The following CTU2 variants were observed in gnomAD, a reference collection of about 807,000 sequenced individuals.
CTU2 encodes cytoplasmic tRNA 2-thiolation protein 2.
Under a neutral mutation model 64.1 loss-of-function variants are expected in CTU2, and 80 were observed. The observed-to-expected ratio is 1.25, with a 90% CI of 1.04 to 1.50. The LOEUF is 1.50. CTU2 is among the 40% of genes most tolerant of loss of function. The pLI, the probability that CTU2 is intolerant of heterozygous loss-of-function variation, is 0.00. For synonymous variants in CTU2, 482 were observed against 285.3 expected, an observed-to-expected ratio of 1.69 and a Z score of -6.95; for missense variants, 1,110 against 690.2, an observed-to-expected ratio of 1.61 and a Z score of -6.81.
At position 88,713,415 on chromosome 16, in the gene CTU2, C is replaced by T; in HGVS notation, c.841C>T (p.Leu281=). ...TATCAAGCTCATGACCAACCTGGCG[C>T]TGGGTCGAGGGGCCTTCCTGGCCTG... ...LAIKLMTNLA[L]GRGAFLAWDT... Residue 281 remains leucine, a synonymous_variant, in exon 8 of 15, where the codon CTG becomes TTG. Coordinates refer to ENST00000453996, the MANE Select transcript of CTU2 (RefSeq NM_001012759.3). 6.3e-7 allele frequency: 1 copy of T among 1,599,948 alleles called. No homozygotes were observed. The highest frequency in any genetic ancestry group is 8.5e-7 in the Non-Finnish European group (1 of 1,175,684).
intron 2 of CTU2, 153 bp from the exon 3 acceptor site, chr16:88,709,785 C>T (rs927621215): frequency 1.4e-6 from 1 of 711,272 alleles, no homozygotes; most frequent in Non-Finnish European, 2.4e-6. Context: ...GCCAACCCCG[C>T]CCCTTTCACC....
Position 88,712,775 on chromosome 16 carries a change from C to G in CTU2, c.607C>G (p.Pro203Ala). The G allele has an allele frequency of 6.2e-7, 1 of 1,607,970 alleles. No individual in the cohort carries two copies. Among genetic ancestry groups the G allele is most frequent in the Non-Finnish European group, 8.5e-7 (1 of 1,177,934 alleles). ...GPGPTQGEEQ[P>A]PQPPLDPQNL... is the part of the protein sequence containing the mutation. The stretch of plus-strand genomic sequence containing the variant: ...TGGCCCGACTCAAGGGGAGGAACAG[C>G]CACCCCAGCCCCCGCTGGACCCCCA... Residue 203 changes from proline to alanine, a missense_variant, in exon 7 of 15, where the codon CCA becomes GCA. Transcript: ENST00000453996.
rs144803111 is a variant in CTU2 at position 88,707,189 on chromosome 16, G to A, written c.122G>A (p.Arg41Gln). Residue 41 changes from arginine to glutamine, a missense_variant, in exon 2 of 15, where the codon CGA becomes CAA. Coordinates refer to ENST00000453996, the MANE Select transcript of CTU2 (RefSeq NM_001012759.3). ...GAAGCGCAGCCCGTTGTGGTGATAC[G>A]AGCCGGAGATGCCTTCTGCAGGTGA... ...CKEAQPVVVI[R>Q]AGDAFCRDCF... is the part of the protein sequence containing the mutation. 2.2e-5 allele frequency: 36 copies of A among 1,613,850 alleles called. No homozygotes were observed. Among genetic ancestry groups the A allele is most frequent in the Non-Finnish European group, 2.9e-5 (34 of 1,179,986 alleles).
At position 88,710,322 on chromosome 16, in the gene CTU2, G is replaced by A. The variant is rs1474201140; in HGVS notation, c.282+40G>A. 6 of 1,608,596 alleles carry A rather than the reference G, an allele frequency of 3.7e-6. No individual in the cohort carries two copies. In the African/African-American group the frequency reaches 5.3e-5, roughly 14 times the overall value. On this transcript the variant is annotated intron_variant, in intron 4 of 14. Transcript: ENST00000453996. ...CCCCGTGGGCCCGGGCTGCTGGGCT[G>A]AGCTTCAGGCTGGGGGCCTCCCTTC...
In CTU2 at chr16:88,714,568, A is replaced by AC; in HGVS notation, c.1202-14dup. Reference sequence around the variant, plus strand: ...GGGCTCAGCAGCCCCAGGCTCCGTCACCCCCTCTCTGCTTGCAGACAGTGC... The same window carrying AC: ...GGGCTCAGCAGCCCCAGGCTCCGTCACCCCCCTCTCTGCTTGCAGACAGTGC... On this transcript the variant is annotated intron_variant, in intron 11 of 14. Transcript: ENST00000453996. The AC allele has an allele frequency of 6.2e-7, 1 of 1,612,292 alleles. No homozygotes were observed. Among genetic ancestry groups the AC allele is most frequent in the Admixed American group, 1.7e-5 (1 of 59,990 alleles).
In CTU2 at chr16:88,714,704, G is replaced by C. The variant is rs770522461; in HGVS notation, c.1319G>C (p.Trp440Ser). ...PGPCCSPGVG[W>S]AQRCGQGACR... ...CCCTGCTGTTCTCCAGGGGTGGGCT[G>C]GGCCCAGCGCTGTGGCCAGGGGGCC... The change falls in exon 12 of 15, where the codon TGG (tryptophan) becomes TCG (serine). Residue 440 changes from tryptophan to serine, a missense_variant. Trp to Ser is a radical substitution (Grantham distance 177, BLOSUM62 -3). Transcript: ENST00000453996. 1 of 1,610,962 alleles carries C rather than the reference G, an allele frequency of 6.2e-7. No individual in the cohort carries two copies. Among genetic ancestry groups the C allele is most frequent in the African/African-American group, 1.3e-5 (1 of 75,008 alleles).
intron 1 of CTU2, 70 bp from the exon 2 acceptor site, chr16:88,707,066 C>A (rs1910917233): frequency 2.0e-6 from 3 of 1,520,228 alleles, no homozygotes; most frequent in Non-Finnish European, 2.7e-6. Flanking sequence ...GAGCTGTCTC[C>A]CCAAAGCCCA....
Position 88,715,271 on chromosome 16 carries a change from G to C in CTU2, c.*20G>C, listed in dbSNP as rs375672974. 2 of 1,607,808 alleles carry C rather than the reference G, an allele frequency of 1.2e-6. No homozygotes were observed. Among genetic ancestry groups the C allele is most frequent in the Non-Finnish European group, 1.7e-6 (2 of 1,178,906 alleles). ...AGCTGAGCGTGAGGACGTGCTTGCC[G>C]GGACAGCAGGCAGTGGCCACCTGGT... On this transcript the variant is annotated 3_prime_UTR_variant, in exon 15 of 15. Transcript: ENST00000453996.
rs767960322 is a variant in CTU2, at chr16:88,714,707, CCCAGCGCTGT to C, written c.1323_1332del (p.Gln442AlafsTer24). The C allele has an allele frequency of 6.1e-5, 98 of 1,610,210 alleles. 1 individual carries two copies. In the Admixed American group the frequency reaches 1.2e-3, roughly 20 times the overall value. Reference sequence around the variant, plus strand: ...TGCTGTTCTCCAGGGGTGGGCTGGGCCCAGCGCTGTGGCCAGGGGGCCTGCAGGAGGTGAG... The same window carrying C: ...TGCTGTTCTCCAGGGGTGGGCTGGGCGGCCAGGGGGCCTGCAGGAGGTGAG... On this transcript the variant is annotated frameshift_variant, in exon 12 of 15. Coordinates refer to ENST00000453996, the MANE Select transcript of CTU2 (RefSeq NM_001012759.3). LOFTEE classifies it high-confidence loss of function.
At position 88,712,568 on chromosome 16, in the gene CTU2, G is replaced by T. The variant is rs1427372550; in HGVS notation, c.454-54G>T. On this transcript the variant is annotated intron_variant, in intron 6 of 14. Coordinates refer to ENST00000453996, the MANE Select transcript of CTU2 (RefSeq NM_001012759.3). ...CATCCCGGAAGGTGGGGCTGTCTGT[G>T]GGGGGCACCTGCCCGTGTCCCGGGC... The T allele has an allele frequency of 7.6e-6, 12 of 1,579,946 alleles. No homozygotes were observed. The Middle Eastern group carries it at 1.2e-3, about 152-fold the overall frequency.
intron 7 of CTU2, among the ~76,000 whole-genome samples, 195 bp downstream of exon 7, chr16:88,713,100 C>T (rs866557060): frequency 4.2e-4 from 7 of 16,580 alleles, no homozygotes; most frequent in Non-Finnish European, 9.5e-4. Context: ...CCCCCTTCCC[C>T]GGGCCCTGAC....
chr16:88,711,188 C>A (rs1597426856), intron 4 of CTU2, among the ~76,000 whole-genome samples: 1 of 152,200 alleles, frequency 6.6e-6, no homozygotes, highest in Non-Finnish European at 1.5e-5. Context: ...TGTGAGGGAA[C>A]TGGCCCAGCC....
chr16:88,706,723 C>G, intron 1 of CTU2, 125 bp downstream of exon 1: 1 of 672,730 alleles, frequency 1.5e-6, no homozygotes, highest in Non-Finnish European at 2.3e-6. Context: ...CGCTCCCTAG[C>G]ACTCGGGGAA....
chr16:88,713,505 C>A (rs1389411657), intron 8 of CTU2, 58 bp downstream of exon 8: 1 of 1,546,806 alleles, frequency 6.5e-7, no homozygotes, highest in Non-Finnish European at 8.7e-7. Context: ...CTTCGGCCAC[C>A]TTTACTGGAG....
rs755215118 is a variant in CTU2 at position 88,713,486 on chromosome 16, C to G, written c.873+39C>G. ...TGGGTGTTCAGGAGGCCCATCCTCACCTTCACCCCTTCGGCCACCTTTACT... is the reference window on the plus strand; with the variant it reads ...TGGGTGTTCAGGAGGCCCATCCTCAGCTTCACCCCTTCGGCCACCTTTACT... On this transcript the variant is annotated intron_variant, in intron 8 of 14. Transcript: ENST00000453996. 7.7e-6 allele frequency: 12 copies of G among 1,556,136 alleles called. No homozygotes were observed. The African/African-American group carries it at 1.7e-4, about 21-fold the overall frequency.
Position 88,715,114 on chromosome 16 carries a change from G to T in CTU2, c.1478+8G>T, listed in dbSNP as rs1456744490. Reference sequence around the variant, plus strand: ...CCAGCTCCGCACACAGAGGTACTGGGGCCCACACTGCCGTGGCGCGTGGGT... The same window carrying T: ...CCAGCTCCGCACACAGAGGTACTGGTGCCCACACTGCCGTGGCGCGTGGGT... On this transcript the variant is annotated splice_region_variant and intron_variant, in intron 14 of 14. Transcript: ENST00000453996. 1.3e-6 allele frequency: 2 copies of T among 1,595,024 alleles called. No homozygotes were observed. Among genetic ancestry groups the T allele is most frequent in the South Asian group, 2.3e-5 (2 of 88,318 alleles).
intron 6 of CTU2, 46 bp downstream of exon 6, chr16:88,712,429 G>A: frequency 6.6e-7 from 1 of 1,505,080 alleles, no homozygotes; most frequent in Non-Finnish European, 9.0e-7. Flanking sequence ...TGACCCCTGG[G>A]GGGCACCTGC....
chr16:88,713,263 T>A, intron 7 of CTU2, 49 bp from the exon 8 acceptor site: 3 of 1,025,884 alleles, frequency 2.9e-6, no homozygotes, highest in African/African-American at 2.1e-5. Flanking sequence ...AGAGCCCCCC[T>A]TCCCCGGGTC....
rs769216967 is a variant in CTU2, at chr16:88,709,973, G to C, written c.179G>C (p.Arg60Thr). ...CFKAFYVHKFRAMLGKNRLIF... is the reference protein window; with the variant it reads ...CFKAFYVHKFTAMLGKNRLIF... Reference sequence around the variant, plus strand: ...AAGGCCTTCTACGTCCACAAGTTCAGAGCCATGCTGGGCAAGAACCGGCTC... The same window carrying C: ...AAGGCCTTCTACGTCCACAAGTTCACAGCCATGCTGGGCAAGAACCGGCTC... The change falls in exon 3 of 15, where the codon AGA becomes ACA. Residue 60 changes from arginine to threonine, a missense_variant. Arg to Thr is a moderately conservative substitution (Grantham distance 71). Coordinates refer to ENST00000453996, the MANE Select transcript of CTU2 (RefSeq NM_001012759.3). 2.5e-6 allele frequency: 4 copies of C among 1,613,884 alleles called. No individual in the cohort carries two copies. The South Asian group carries it at 3.3e-5, about 13-fold the overall frequency.
Sources: allele counts gnomAD v4.1 joint callset (sites outside exome capture counted in the v4.1 genomes callset), GRCh38; gene constraint gnomAD v4.1.1; transcripts MANE v1.5; gene names NCBI Gene and HGNC (gene_info 2026-07-23, HGNC 2026-07-21).